NCKAP1: variants seen among roughly 807,000 people sequenced by gnomAD.
NCKAP1 encodes nck-associated protein 1.
In NCKAP1, 21 loss-of-function variants were observed where a neutral mutation model predicts 151.2. That is an observed-to-expected ratio of 0.14 (90% CI 0.10 to 0.20). The LOEUF (loss-of-function observed/expected upper bound fraction) is 0.20, where lower values mean the gene tolerates loss of function less well. Among genes scored for constraint, NCKAP1 ranks in the 10% least tolerant of loss-of-function variants. NCKAP1 has a pLI of 1.00. For synonymous variants in NCKAP1, 484 were observed against 451.8 expected, an observed-to-expected ratio of 1.07 and a Z score of -0.90; for missense variants, 933 against 1,352.1, an observed-to-expected ratio of 0.69 and a Z score of 4.86.
intron 1 of NCKAP1, among the ~76,000 whole-genome samples, chr2:183,033,232 T>C (rs1275656728): frequency 6.6e-6 from 1 of 152,248 alleles, no homozygotes; most frequent in Non-Finnish European, 1.5e-5. Flanking sequence ...ATAGCTTTTG[T>C]GCCAACAAGA....
chr2:182,994,005 G>A (rs1040250095), intron 8 of NCKAP1, among the ~76,000 whole-genome samples: 3 of 152,156 alleles, frequency 2.0e-5, no homozygotes, highest in South Asian at 2.1e-4. Flanking sequence ...ACAATAAAAC[G>A]AAGGAAAACA....
intron 9 of NCKAP1, among the ~76,000 whole-genome samples, chr2:182,987,488 C>A (rs943040152): frequency 1.2e-4 from 18 of 152,044 alleles, no homozygotes; most frequent in African/African-American, 3.9e-4. Context: ...ATTTTAAATA[C>A]AGAGATTCTC....
At chr2:182,936,222 G>A (rs1483528290) in intron 24 of NCKAP1, among the ~76,000 whole-genome samples, 1 of 152,040 alleles carries the variant, frequency 6.6e-6, no homozygotes, top group Non-Finnish European at 1.5e-5. Flanking sequence ...CTGCACATCA[G>A]CCTGGGTAAA....
At chr2:182,989,211 CA>C in intron 8 of NCKAP1, 25 bp from the exon 9 acceptor site, 1 of 1,559,704 alleles carries the variant, frequency 6.4e-7, no homozygotes. Flanking sequence ...AAAGCAAATA[CA>C]AATGTAAATG....
At position 182,912,399 on chromosome 2, in the gene NCKAP1, T is replaced by G. The variant is rs1014270663; in HGVS notation, c.*13303A>C. The G allele has an allele frequency of 3.1e-4, 47 of 152,286 alleles. No individual in the cohort carries two copies. The highest frequency in any genetic ancestry group is 1.1e-3 in the African/African-American group (46 of 41,570). The allele number at this position is 152,286 out of a possible 1,614,324, so 9.4% of individuals were successfully genotyped here. On this transcript the variant is annotated 3_prime_UTR_variant, in exon 31 of 31. Transcript: ENST00000361354. ...AAAAAGCCAGCAAAGATCAAAGAGTTTTCACATGAGCTCTCTATGTGGCAA... is the reference window on the plus strand; with the variant it reads ...AAAAAGCCAGCAAAGATCAAAGAGTGTTCACATGAGCTCTCTATGTGGCAA...
intron 8 of NCKAP1, among the ~76,000 whole-genome samples, chr2:182,994,293 C>T (rs1049324931): frequency 6.6e-6 from 1 of 152,104 alleles, no homozygotes; most frequent in African/African-American, 2.4e-5. Flanking sequence ...CTTATCTTGT[C>T]TTTGTCACTC....
intron 1 of NCKAP1, among the ~76,000 whole-genome samples, chr2:183,030,245 G>T (rs887523532): frequency 1.6e-4 from 24 of 152,226 alleles, no homozygotes; most frequent in Middle Eastern, 3.4e-3. Flanking sequence ...GGCTGGACTT[G>T]AACTCCTGGT....
At chr2:182,978,985 T>C in intron 13 of NCKAP1, 70 bp from the exon 14 acceptor site, 6 of 1,025,658 alleles carry the variant, frequency 5.8e-6, no homozygotes, top group South Asian at 1.5e-5. Context: ...TATCAATTAG[T>C]GGACGGATAA....
chr2:183,003,099 A>G, intron 3 of NCKAP1, 69 bp from the exon 4 acceptor site: 2 of 1,407,364 alleles, frequency 1.4e-6, no homozygotes, highest in Non-Finnish European at 2.0e-6. Context: ...ACACAAACAA[A>G]TAAGGTATGT....
At position 182,989,205 on chromosome 2, in the gene NCKAP1, C is replaced by G; in HGVS notation, c.791-19G>C. 6.4e-7 allele frequency: 1 copy of G among 1,566,142 alleles called. No individual in the cohort carries two copies. Reference sequence around the variant, plus strand: ...AAGCCAACTTTAAATAAAAAGAAAGCAAATACAAATGTAAATGTACAAGTA... The same window carrying G: ...AAGCCAACTTTAAATAAAAAGAAAGGAAATACAAATGTAAATGTACAAGTA... On this transcript the variant is annotated intron_variant, in intron 8 of 30. Coordinates refer to ENST00000361354, the MANE Select transcript of NCKAP1 (RefSeq NM_013436.5).
At chr2:182,949,333 C>CT (rs1575024150) in intron 23 of NCKAP1, among the ~76,000 whole-genome samples, 1 of 152,168 alleles carries the variant, frequency 6.6e-6, no homozygotes, top group Non-Finnish European at 1.5e-5. Context: ...GCTAGACAGA[C>CT]TGAGTTCAAA....
rs572051199 is a variant in NCKAP1, at chr2:182,920,062, G to A, written c.*5640C>T. Reference sequence around the variant, plus strand: ...CCCACTGCCGCCAACCCTCCCCTTGGGCTCAAGCAATCCTGCCACCTCAGC... The same window carrying A: ...CCCACTGCCGCCAACCCTCCCCTTGAGCTCAAGCAATCCTGCCACCTCAGC... On this transcript the variant is annotated 3_prime_UTR_variant, in exon 31 of 31. Coordinates refer to ENST00000361354, the MANE Select transcript of NCKAP1 (RefSeq NM_013436.5). The A allele has an allele frequency of 6.6e-6, 1 of 152,386 alleles. No homozygotes were observed. The highest frequency in any genetic ancestry group is 1.9e-4 in the East Asian group (1 of 5,174). The allele number at this position is 152,386 out of a possible 1,614,324, so 9.4% of individuals were successfully genotyped here. A position where few individuals can be genotyped will look rare whatever the true frequency, so the allele number is the denominator to read the frequency against.
intron 1 of NCKAP1, among the ~76,000 whole-genome samples, chr2:183,027,048 AAATACAG>A (rs1698911851): frequency 8.9e-6 from 1 of 112,574 alleles, no homozygotes; most frequent in African/African-American, 2.6e-5. Flanking sequence ...CTAAACATCT[AAATACAG>A]CCTAAATACA....
chr2:182,968,519 A>T (rs1379691164), intron 15 of NCKAP1, among the ~76,000 whole-genome samples: 1 of 152,152 alleles, frequency 6.6e-6, no homozygotes, highest in Non-Finnish European at 1.5e-5. Flanking sequence ...ATCAAATTTG[A>T]GGGATGAGGT....
At chr2:183,032,923 G>A (rs921872813) in intron 1 of NCKAP1, among the ~76,000 whole-genome samples, 1 of 152,136 alleles carries the variant, frequency 6.6e-6, no homozygotes, top group Non-Finnish European at 1.5e-5. Context: ...GGTGGCATGT[G>A]CCTATAGTCC....
At chr2:183,002,290 G>A in intron 4 of NCKAP1, 21 bp from the exon 5 acceptor site, 1 of 1,431,742 alleles carries the variant, frequency 7.0e-7, no homozygotes. Context: ...AAAAAATCAA[G>A]TTCAACTACT....
rs1295792323 is a variant in NCKAP1, at chr2:182,912,063, T to C, written c.*13639A>G. 6.6e-6 allele frequency: 1 copy of C among 152,174 alleles called. No homozygotes were observed. Among genetic ancestry groups the C allele is most frequent in the African/African-American group, 2.4e-5 (1 of 41,450 alleles). 9.4% of individuals were successfully genotyped at this position (152,174 alleles called of 1,614,324 possible). A position where few individuals can be genotyped will look rare whatever the true frequency, so the allele number is the denominator to read the frequency against. Reference sequence around the variant, plus strand: ...CTGAGTAGTTATATCAATCACATCATGAAAAATTCCTTTTACCTAAAAAAC... The same window carrying C: ...CTGAGTAGTTATATCAATCACATCACGAAAAATTCCTTTTACCTAAAAAAC... On this transcript the variant is annotated 3_prime_UTR_variant, in exon 31 of 31. Transcript: ENST00000361354.
intron 23 of NCKAP1, among the ~76,000 whole-genome samples, chr2:182,945,990 G>A (rs1697095339): frequency 6.6e-6 from 1 of 152,170 alleles, no homozygotes; most frequent in Non-Finnish European, 1.5e-5. Context: ...AAATAAGAAT[G>A]AGATCATGTC....
chr2:183,025,961 T>C (rs927709800), intron 1 of NCKAP1, among the ~76,000 whole-genome samples: 1 of 152,224 alleles, frequency 6.6e-6, no homozygotes. Context: ...CTATCACATA[T>C]AATGAAAATG....
Sources: gnomAD v4.1 joint callset for allele counts (sites outside exome capture counted in the v4.1 genomes callset) on GRCh38, gnomAD v4.1.1 for gene constraint, MANE v1.5 for transcripts, NCBI Gene and HGNC (gene_info 2026-07-23, HGNC 2026-07-21) for gene names.